TMEM123: variants seen among roughly 807,000 people sequenced by gnomAD.
TMEM123 encodes transmembrane protein 123.
TMEM123 carries 16 observed loss-of-function variants against 19.7 expected under a neutral mutation model. The observed-to-expected ratio is 0.81, with a 90% CI of 0.55 to 1.23. The LOEUF (loss-of-function observed/expected upper bound fraction) is 1.23, where lower values mean the gene tolerates loss of function less well. TMEM123 is among the 50% of genes most tolerant of loss of function. The pLI, the probability that TMEM123 is intolerant of heterozygous loss-of-function variation, is 0.00. For missense variants in TMEM123, 313 were observed against 257.8 expected, an observed-to-expected ratio of 1.21 and a Z score of -1.47; for synonymous variants, 118 against 99.4, an observed-to-expected ratio of 1.19 and a Z score of -1.12.
At chr11:102,404,437 C>T (rs1400533728) in intron 2 of TMEM123, among the ~76,000 whole-genome samples, 2 of 152,072 alleles carry the variant, frequency 1.3e-5, no homozygotes, top group African/African-American at 2.4e-5. Flanking sequence ...GCACATGCCA[C>T]GACGCCTGGC....
rs1011258161 is a variant in TMEM123, at chr11:102,396,818, C to G, written c.*2049G>C. 1.3e-5 allele frequency: 2 copies of G among 152,160 alleles called. No homozygotes were observed. Among genetic ancestry groups the G allele is most frequent in the East Asian group, 1.9e-4 (1 of 5,196 alleles). The allele number at this position is 152,160 out of a possible 1,614,324, so 9.4% of individuals were successfully genotyped here. On this transcript the variant is annotated 3_prime_UTR_variant, in exon 5 of 5. Transcript: ENST00000398136. ...TCAAACCCAATGCAGAGGAAACTTT[C>G]AAGGCAAATGATGACTTAGTACTTA...
chr11:102,427,004 T>C (rs180950821), intron 2 of TMEM123, among the ~76,000 whole-genome samples: 1 of 151,886 alleles, frequency 6.6e-6, no homozygotes, highest in African/African-American at 2.4e-5. Context: ...TAACTATAAA[T>C]GTATTACTGT....
At chr11:102,427,128 CAT>C (rs1023716963) in intron 2 of TMEM123, among the ~76,000 whole-genome samples, 1 of 150,314 alleles carries the variant, frequency 6.7e-6, no homozygotes, top group African/African-American at 2.4e-5. Flanking sequence ...ACACACTATA[CAT>C]ATCTTTATCC....
In TMEM123 at chr11:102,448,826, C is replaced by G. The variant is rs779864669; in HGVS notation, c.143G>C (p.Ser48Thr). 3.6e-5 allele frequency: 58 copies of G among 1,613,610 alleles called. No homozygotes were observed. The South Asian group carries it at 5.9e-4, about 16-fold the overall frequency. The stretch of plus-strand genomic sequence containing the variant: ...TTAAAACTCACCTGTTGAGTTAGCA[C>G]TGGAGTTGTGTGGAAGCCCAGAATT... ...IENSGLPHNSSANSTETLQHV... is the reference protein window; with the variant it reads ...IENSGLPHNSTANSTETLQHV... Residue 48 changes from serine (S) to threonine (T), a missense_variant, in exon 2 of 5, where the codon AGT becomes ACT. Transcript: ENST00000398136.
chr11:102,448,268 A>G (rs1020402638), intron 2 of TMEM123: 2 of 456,152 alleles, frequency 4.4e-6, no homozygotes, highest in South Asian at 1.5e-5. Flanking sequence ...TGATGACATC[A>G]GCCTGGTTCT....
chr11:102,413,326 T>C (rs999704242), intron 2 of TMEM123, among the ~76,000 whole-genome samples: 1 of 152,168 alleles, frequency 6.6e-6, no homozygotes, highest in Non-Finnish European at 1.5e-5. Flanking sequence ...TTGGAAACCA[T>C]CTCGAGATGG....
At chr11:102,404,353 G>A (rs1341371721) in intron 2 of TMEM123, among the ~76,000 whole-genome samples, 3 of 150,684 alleles carry the variant, frequency 2.0e-5, no homozygotes, top group East Asian at 4.0e-4. Context: ...GCATGATCTC[G>A]GCTCAGGGCA....
chr11:102,400,598 G>A (rs1411181420), intron 4 of TMEM123, among the ~76,000 whole-genome samples: 1 of 152,228 alleles, frequency 6.6e-6, no homozygotes, highest in African/African-American at 2.4e-5. Flanking sequence ...CACCCAATAT[G>A]AGTATGTTGA....
At chr11:102,424,804 A>T (rs1952112993) in intron 2 of TMEM123, among the ~76,000 whole-genome samples, 1 of 152,228 alleles carries the variant, frequency 6.6e-6, no homozygotes, top group African/African-American at 2.4e-5. Context: ...GGCACAGAAA[A>T]GGGAGCGGGT....
intron 2 of TMEM123, among the ~76,000 whole-genome samples, chr11:102,408,581 T>G (rs1208040383): frequency 6.6e-6 from 1 of 152,204 alleles, no homozygotes; most frequent in Non-Finnish European, 1.5e-5. Context: ...TTCACTGATA[T>G]AATCTGTGTT....
At chr11:102,412,115 C>T (rs1016304000) in intron 2 of TMEM123, among the ~76,000 whole-genome samples, 1 of 152,156 alleles carries the variant, frequency 6.6e-6, no homozygotes, top group Non-Finnish European at 1.5e-5. Context: ...CCAGTCTATA[C>T]ATCATATTAA....
At chr11:102,451,948 G>A (rs896129461) in intron 1 of TMEM123, among the ~76,000 whole-genome samples, 1 of 152,232 alleles carries the variant, frequency 6.6e-6, no homozygotes. Context: ...ACTACCGCGA[G>A]GGCGGGGCGC....
rs1200712035 is a variant in TMEM123 at position 102,403,475 on chromosome 11, A to G, written c.158-1269T>C. ...GACAATTTAACTAACGTTTACAACT[A>G]TAGGTACCTATTAGGATACAATGTC... On this transcript the variant is annotated intron_variant, in intron 2 of 4. Coordinates refer to ENST00000398136, the MANE Select transcript of TMEM123 (RefSeq NM_052932.3). 2.6e-5 allele frequency among the ~76,000 whole-genome samples: 4 copies of G among 152,260 alleles called. No homozygotes were observed. The East Asian group carries it at 7.7e-4, about 29-fold the overall frequency.
chr11:102,436,714 C>T (rs1857766317), intron 2 of TMEM123, among the ~76,000 whole-genome samples: 1 of 152,174 alleles, frequency 6.6e-6, no homozygotes, highest in African/African-American at 2.4e-5. Flanking sequence ...TGTTACTCAA[C>T]ATGATGGGGT....
At position 102,397,555 on chromosome 11, in the gene TMEM123, A is replaced by T. The variant is rs909271042; in HGVS notation, c.*1312T>A. 1 of 152,206 alleles carries T rather than the reference A, an allele frequency of 6.6e-6. No homozygotes were observed. Among genetic ancestry groups the T allele is most frequent in the African/African-American group, 2.4e-5 (1 of 41,470 alleles). The allele number at this position is 152,206 out of a possible 1,614,324, so 9.4% of individuals were successfully genotyped here. The stretch of plus-strand genomic sequence containing the variant: ...CTACAATACTGTGCTTTTTCTCTCC[A>T]TTAACATAATGCATCTGAGAGTACT... On this transcript the variant is annotated 3_prime_UTR_variant, in exon 5 of 5. Transcript: ENST00000398136.
chr11:102,423,589 A>G (rs1281672211), intron 2 of TMEM123, among the ~76,000 whole-genome samples: 1 of 152,218 alleles, frequency 6.6e-6, no homozygotes, highest in Non-Finnish European at 1.5e-5. Flanking sequence ...ACCCCAGCTA[A>G]GCTACTTCTA....
At chr11:102,427,861 A>T (rs980435558) in intron 2 of TMEM123, among the ~76,000 whole-genome samples, 1 of 152,040 alleles carries the variant, frequency 6.6e-6, no homozygotes, top group Non-Finnish European at 1.5e-5. Flanking sequence ...AAAATTCTAC[A>T]GAAATAGAAT....
rs750893540 is a variant in TMEM123, at chr11:102,452,680, G to C, written c.-57C>G. 3 of 1,333,826 alleles carry C rather than the reference G, an allele frequency of 2.2e-6. No homozygotes were observed. Among genetic ancestry groups the C allele is most frequent in the Non-Finnish European group, 2.9e-6 (3 of 1,019,868 alleles). The allele number at this position is 1,333,826 out of a possible 1,614,324, so 82.6% of individuals were successfully genotyped here. On this transcript the variant is annotated 5_prime_UTR_variant, in exon 1 of 5. Transcript: ENST00000398136. Reference sequence around the variant, plus strand: ...GGCTCCCAGCCGAGGTGGCGGCGGCGAGAGCGGCTCCTCTGCGCAGCCGGC... The same window carrying C: ...GGCTCCCAGCCGAGGTGGCGGCGGCCAGAGCGGCTCCTCTGCGCAGCCGGC...
rs1481318792 is a variant in TMEM123, at chr11:102,398,389, T to C, written c.*478A>G. 2 of 394,820 alleles carry C rather than the reference T, an allele frequency of 5.1e-6. No homozygotes were observed. Among genetic ancestry groups the C allele is most frequent in the African/African-American group, 2.1e-5 (1 of 48,660 alleles). 24.5% of individuals were successfully genotyped at this position (394,820 alleles called of 1,614,324 possible). ...TCTTAAATTATGCTTCAGATCTAGT[T>C]TGATTGTATAATTTCTGTGTGGCAT... is the stretch of plus-strand genomic sequence containing the variant. On this transcript the variant is annotated 3_prime_UTR_variant, in exon 5 of 5. Transcript: ENST00000398136.
Sources: allele counts gnomAD v4.1 joint callset (sites outside exome capture counted in the v4.1 genomes callset), GRCh38; gene constraint gnomAD v4.1.1; transcripts MANE v1.5; gene names NCBI Gene and HGNC (gene_info 2026-07-23, HGNC 2026-07-21).